The following PTPRB variants were observed in gnomAD, a reference collection of about 807,000 sequenced individuals.
The protein encoded by PTPRB is protein tyrosine phosphatase receptor type B, also known as receptor-type tyrosine-protein phosphatase beta.
A neutral mutation model predicts 238.1 loss-of-function variants in PTPRB; 97 were observed. The observed-to-expected ratio is 0.41, with a 90% CI of 0.35 to 0.48. The LOEUF (loss-of-function observed/expected upper bound fraction) is 0.48, where lower values mean the gene tolerates loss of function less well. PTPRB is among the 20% of genes least tolerant of loss of function. The pLI is 0.30. For missense variants in PTPRB, 2,292 were observed against 2,681.9 expected, an observed-to-expected ratio of 0.85 and a Z score of 3.21; for synonymous variants, 970 against 995.4, an observed-to-expected ratio of 0.97 and a Z score of 0.48.
At chr12:70,599,358 T>C (rs1883288178) in intron 4 of PTPRB, among the ~76,000 whole-genome samples, 1 of 152,162 alleles carries the variant, frequency 6.6e-6, no homozygotes, top group Non-Finnish European at 1.5e-5. Flanking sequence ...TTATATAATT[T>C]ATGTGAATGG....
At chr12:70,543,551 C>T (rs972209949) in intron 22 of PTPRB, among the ~76,000 whole-genome samples, 6 of 152,134 alleles carry the variant, frequency 3.9e-5, no homozygotes, top group African/African-American at 1.4e-4. Flanking sequence ...GAGATTATCC[C>T]TATATTTGGC....
intron 2 of PTPRB, among the ~76,000 whole-genome samples, chr12:70,623,489 T>C (rs1281248749): frequency 6.6e-5 from 10 of 152,182 alleles, no homozygotes; most frequent in Non-Finnish European, 1.3e-4. Flanking sequence ...AGCTCTCAGG[T>C]GATGCTGATG....
rs538207167 is a variant in PTPRB at position 70,615,161 on chromosome 12, A to G, written c.709-5822T>C. Among the ~76,000 whole-genome samples, 3 of 152,328 alleles carry G rather than the reference A, an allele frequency of 2.0e-5. No homozygotes were observed. The South Asian group carries it at 6.2e-4, about 32-fold the overall frequency. On this transcript the variant is annotated intron_variant, in intron 3 of 33. Transcript: ENST00000334414. The stretch of plus-strand genomic sequence containing the variant: ...TGAATAACATTAAAATAAACAATGA[A>G]TGCTGCGCAGTCGGTAAAATTAGAG...
chr12:70,536,054 T>C lies in PTPRB; in HGVS notation c.6052A>G (p.Met2018Val). 1.2e-6 allele frequency: 2 copies of C among 1,613,776 alleles called. No homozygotes were observed. Among genetic ancestry groups the C allele is most frequent in the Non-Finnish European group, 1.7e-6 (2 of 1,179,788 alleles). Residue 2018 changes from methionine to valine, a missense_variant, in exon 29 of 34, where the codon ATG (methionine) becomes GTG (valine). Physicochemically the swap from Met to Val is conservative, Grantham distance 21. Coordinates refer to ENST00000334414, the MANE Select transcript of PTPRB (RefSeq NM_001109754.4). ...VWEQNVHNIV[M>V]VTQCVEKGRV... Reference sequence around the variant, plus strand: ...CCCTTCTCAACACACTGGGTCACCATGACGATGTTGTGAACGTTTTGTTCC... The same window carrying C: ...CCCTTCTCAACACACTGGGTCACCACGACGATGTTGTGAACGTTTTGTTCC...
chr12:70,534,742 G>A (rs1873829246), intron 30 of PTPRB, 91 bp from the exon 31 acceptor site: 38 of 1,597,908 alleles, frequency 2.4e-5, no homozygotes, highest in Non-Finnish European at 3.2e-5. Flanking sequence ...CCTATGGGCT[G>A]AAACTACAAG....
At position 70,517,210 on chromosome 12, in the gene PTPRB, A is replaced by G. The variant is rs964436027; in HGVS notation, c.*4279T>C. On this transcript the variant is annotated 3_prime_UTR_variant, in exon 34 of 34. Transcript: ENST00000334414. ...TCAAAAAGCAAAATAAATTGATTCAATTGTTTAATCAGTTAAACCATCTGG... is the reference window on the plus strand; with the variant it reads ...TCAAAAAGCAAAATAAATTGATTCAGTTGTTTAATCAGTTAAACCATCTGG... 1.3e-5 allele frequency: 2 copies of G among 152,216 alleles called. No individual in the cohort carries two copies. The highest frequency in any genetic ancestry group is 1.3e-4 in the Admixed American group (2 of 15,272). 9.4% of individuals were successfully genotyped at this position (152,216 alleles called of 1,614,324 possible).
In PTPRB at chr12:70,528,409, GGC is replaced by G. The variant is rs369150337; in HGVS notation, c.6504+3624_6504+3625del. On this transcript the variant is annotated intron_variant, in intron 32 of 33. Coordinates refer to ENST00000334414, the MANE Select transcript of PTPRB (RefSeq NM_001109754.4). ...AGGGAACTTTGATGGTGGCAGTGGTGGCGAAGGATCATTAGGGCAGAGCTGGA... is the reference window on the plus strand; with the variant it reads ...AGGGAACTTTGATGGTGGCAGTGGTGGAAGGATCATTAGGGCAGAGCTGGA... Among the ~76,000 whole-genome samples the G allele has an allele frequency of 5.3e-3, 809 of 152,212 alleles. 6 individuals carry two copies. Among genetic ancestry groups the G allele is most frequent in the South Asian group, 0.039 (189 of 4,814 alleles).
chr12:70,536,392 T>C (rs372650901), intron 28 of PTPRB, among the ~76,000 whole-genome samples: 16 of 152,264 alleles, frequency 1.1e-4, no homozygotes, highest in Admixed American at 3.3e-4. Flanking sequence ...TGAAAGCAAA[T>C]GGGGGACTTA....
chr12:70,601,982 A>T (rs1318039679), intron 4 of PTPRB, among the ~76,000 whole-genome samples: 3 of 151,406 alleles, frequency 2.0e-5, no homozygotes, highest in Non-Finnish European at 1.5e-5. Context: ...TTTTTAGTAG[A>T]GACGGGGTTT....
rs1286656216 is a variant in PTPRB at position 70,632,200 on chromosome 12, TAGATTAAGAA to T, written c.451+3461_451+3470del. Among the ~76,000 whole-genome samples, 3 of 152,110 alleles carry T rather than the reference TAGATTAAGAA, an allele frequency of 2.0e-5. No individual in the cohort carries two copies. The East Asian group carries it at 5.8e-4, about 29-fold the overall frequency. ...ACCCAAATGTCCATCAATGGTAGAC[TAGATTAAGAA>T]AATGTGGCACATATACACCATGGAA... On this transcript the variant is annotated intron_variant, in intron 2 of 33. Coordinates refer to ENST00000334414, the MANE Select transcript of PTPRB (RefSeq NM_001109754.4).
chr12:70,534,670 G>A lies in PTPRB; in HGVS notation c.6205-19C>T, dbSNP rs1215388298. The A allele has an allele frequency of 6.2e-7, 1 of 1,608,796 alleles. No individual in the cohort carries two copies. The highest frequency in any genetic ancestry group is 1.7e-5 in the Admixed American group (1 of 59,112). On this transcript the variant is annotated intron_variant, in intron 30 of 33. Coordinates refer to ENST00000334414, the MANE Select transcript of PTPRB (RefSeq NM_001109754.4). ...GTTCCTCCTGTAAGAGCAGAGAGCA[G>A]GATAAAAGAGGAACTGTCCAATGCA...
At chr12:70,552,500 AT>A (rs1397112971) in intron 21 of PTPRB, among the ~76,000 whole-genome samples, 2 of 148,320 alleles carry the variant, frequency 1.3e-5, no homozygotes, top group Admixed American at 6.7e-5. Flanking sequence ...AAAAAAAAAA[AT>A]AATGAAAGTT....
rs1027969184 is a variant in PTPRB, at chr12:70,559,559, T to C, written c.4498A>G (p.Lys1500Glu). 6.2e-7 allele frequency: 1 copy of C among 1,613,508 alleles called. No homozygotes were observed. Among genetic ancestry groups the C allele is most frequent in the African/African-American group, 1.3e-5 (1 of 74,914 alleles). ...TAGTCTGTCCAGTCTGGGGGCCCTT[T>C]CCACGTGATGGCCAAGGATGTGTTT... The part of the protein sequence containing the change: ...IANTSLAITW[K>E]GPPDWTDYND... The change falls in exon 18 of 34, where the codon AAA becomes GAA. Residue 1500 changes from lysine (K) to glutamate (E), a missense_variant. Coordinates refer to ENST00000334414, the MANE Select transcript of PTPRB (RefSeq NM_001109754.4).
intron 21 of PTPRB, among the ~76,000 whole-genome samples, chr12:70,544,957 AAC>A (rs1332202456): frequency 6.6e-6 from 1 of 152,212 alleles, no homozygotes; most frequent in East Asian, 1.9e-4. Context: ...TCAGACAATA[AAC>A]ACACAAATAT....
In PTPRB at chr12:70,520,235, C is replaced by A. The variant is rs1369297303; in HGVS notation, c.*1254G>T. On this transcript the variant is annotated 3_prime_UTR_variant, in exon 34 of 34. Transcript: ENST00000334414. ...GAACTGGACCTTGATGAAGGAAATA[C>A]TTTCTGACTCATTGGAATTTGTTAT... 1 of 473,764 alleles carries A rather than the reference C, an allele frequency of 2.1e-6. No individual in the cohort carries two copies. The highest frequency in any genetic ancestry group is 4.2e-6 in the Non-Finnish European group (1 of 235,354). 29.3% of individuals were successfully genotyped at this position (473,764 alleles called of 1,614,324 possible).
chr12:70,540,832 A>T (rs189113843), intron 23 of PTPRB, 26 bp downstream of exon 23: 1 of 1,545,026 alleles, frequency 6.5e-7, no homozygotes, highest in Non-Finnish European at 8.8e-7. Context: ...TGTGGGTCCA[A>T]TCACCAAAAG....
chr12:70,547,668 AG>A (rs1462626861), intron 21 of PTPRB, among the ~76,000 whole-genome samples: 2 of 151,790 alleles, frequency 1.3e-5, no homozygotes, highest in Non-Finnish European at 2.9e-5. Context: ...TACCATGGCC[AG>A]CTAATTTTTG....
intron 1 of PTPRB, 24 bp from the exon 2 acceptor site, chr12:70,636,090 G>T: frequency 6.4e-7 from 1 of 1,552,700 alleles, no homozygotes; most frequent in Non-Finnish European, 8.7e-7. Flanking sequence ...AGCTCATAAA[G>T]CACTATGTAG....
At chr12:70,603,950 T>C (rs562982884) in intron 4 of PTPRB, among the ~76,000 whole-genome samples, 45 of 152,358 alleles carry the variant, frequency 3.0e-4, no homozygotes, top group Non-Finnish European at 5.7e-4. Context: ...CAGTATAATA[T>C]GTATTTCATA....
Sources: allele counts gnomAD v4.1 joint callset (sites outside exome capture counted in the v4.1 genomes callset), GRCh38; gene constraint gnomAD v4.1.1; transcripts MANE v1.5; gene names NCBI Gene and HGNC (gene_info 2026-07-23, HGNC 2026-07-21).